Variants in RIOK3 observed in about 807,000 individuals in gnomAD.
RIOK3 encodes serine/threonine-protein kinase RIO3.
RIOK3 carries 40 observed loss-of-function variants against 63.5 expected under a neutral mutation model. The ratio of observed to expected loss-of-function variants is 0.63; its 90% CI spans 0.49 to 0.82. The LOEUF (loss-of-function observed/expected upper bound fraction) is 0.82. Ranked by LOEUF, RIOK3 falls within the 40% of genes least tolerant of loss-of-function variation. RIOK3 has a pLI of 0.00. For synonymous variants in RIOK3, 193 were observed against 205.0 expected (o/e 0.94, Z 0.50); for missense variants, 557 against 637.0 (o/e 0.87, Z 1.35).
chr18:23,456,673 G>A (rs985524425), intron 1 of RIOK3, among the ~76,000 whole-genome samples: 4 of 152,180 alleles, frequency 2.6e-5, no homozygotes, highest in South Asian at 2.1e-4. Context: ...AATTACAGGT[G>A]TGAACCACCA....
chr18:23,477,528 G>T (rs558326434), intron 11 of RIOK3, among the ~76,000 whole-genome samples: 13 of 151,420 alleles, frequency 8.6e-5, no homozygotes, highest in African/African-American at 1.5e-4. Context: ...CTTTGGGAGG[G>T]TGAGGTGGGT....
intron 7 of RIOK3, among the ~76,000 whole-genome samples, chr18:23,469,218 A>G (rs1414550752): frequency 4.6e-5 from 7 of 151,558 alleles, no homozygotes; most frequent in Admixed American, 2.0e-4. Context: ...ACACATGCTC[A>G]AGGGAAGGAG....
intron 1 of RIOK3, among the ~76,000 whole-genome samples, chr18:23,461,216 A>G (rs560992421): frequency 1.3e-5 from 2 of 152,374 alleles, no homozygotes; most frequent in African/African-American, 2.4e-5. Flanking sequence ...TAGAGGGCCT[A>G]TACTGGCTGA....
chr18:23,476,076 C>G (rs770797282), intron 9 of RIOK3, among the ~76,000 whole-genome samples: 1 of 151,732 alleles, frequency 6.6e-6, no homozygotes, highest in Non-Finnish European at 1.5e-5. Context: ...TGTGAGCCAC[C>G]ACACCCAGCC....
Position 23,453,333 on chromosome 18 carries a change from TC to T in RIOK3, c.-105del. 1.1e-6 allele frequency: 1 copy of T among 924,494 alleles called. No homozygotes were observed. Among genetic ancestry groups the T allele is most frequent in the South Asian group, 1.3e-5 (1 of 75,120 alleles). 57.3% of individuals were successfully genotyped at this position (924,494 alleles called of 1,614,324 possible). On this transcript the variant is annotated 5_prime_UTR_variant, in exon 1 of 13. Coordinates refer to ENST00000339486, the MANE Select transcript of RIOK3 (RefSeq NM_003831.5). ...CGTCGCCGCCATCTGTCACCTCCAC[TC>T]CGGCATCAGCAGCCAGTCGCCCGTG...
At chr18:23,461,098 C>G (rs1037894383) in intron 1 of RIOK3, among the ~76,000 whole-genome samples, 2 of 152,184 alleles carry the variant, frequency 1.3e-5, no homozygotes, top group African/African-American at 2.4e-5. Flanking sequence ...GTGCTCCACC[C>G]AAACAGCCTG....
In RIOK3 at chr18:23,464,594, T is replaced by C. The variant is rs2057393955; in HGVS notation, c.509T>C (p.Val170Ala). 9 of 1,603,210 alleles carry C rather than the reference T, an allele frequency of 5.6e-6. No homozygotes were observed. Among genetic ancestry groups the C allele is most frequent in the Admixed American group, 1.7e-5 (1 of 57,156 alleles). ...KDITTKHDEV[V>A]CGRKNTARME... ...ATCACCACCAAACATGATGAAGTAG[T>C]ATGTGGGAGAAAGAACACAGCAAGA... is the stretch of plus-strand genomic sequence containing the variant. The change falls in exon 5 of 13, where the codon GTA becomes GCA. Residue 170 changes from valine to alanine, a missense_variant. Val to Ala is a moderately conservative substitution (Grantham distance 64). Coordinates refer to ENST00000339486, the MANE Select transcript of RIOK3 (RefSeq NM_003831.5).
intron 7 of RIOK3, among the ~76,000 whole-genome samples, chr18:23,468,898 T>G (rs1406834735): frequency 6.6e-6 from 1 of 152,220 alleles, no homozygotes; most frequent in East Asian, 1.9e-4. Flanking sequence ...GTCTAGGTGT[T>G]GGCCAGGCTG....
Position 23,464,311 on chromosome 18 carries a change from CA to C in RIOK3, c.432del (p.Ala145GlnfsTer25). The C allele has an allele frequency of 6.2e-7, 1 of 1,609,040 alleles. No homozygotes were observed. The highest frequency in any genetic ancestry group is 8.5e-7 in the Non-Finnish European group (1 of 1,176,866). Reference sequence around the variant, plus strand: ...GATACTCGTGATGATCCCTACAGACCAGGTACCAAAGTTTTTACTTTCTGGG... The same window carrying C: ...GATACTCGTGATGATCCCTACAGACCGGTACCAAAGTTTTTACTTTCTGGG... ...WQDTRDDPYR[P>X]AKPVPTPKKG... On this transcript the variant is annotated frameshift_variant and splice_region_variant, in exon 4 of 13. Transcript: ENST00000339486. LOFTEE classifies it high-confidence loss of function.
chr18:23,469,754 G>C (rs1246745102), intron 7 of RIOK3, among the ~76,000 whole-genome samples: 1 of 152,060 alleles, frequency 6.6e-6, no homozygotes, highest in African/African-American at 2.4e-5. Flanking sequence ...CCAAAGTGCT[G>C]GGATTACAGG....
At chr18:23,454,353 C>T (rs1224533495) in intron 1 of RIOK3, among the ~76,000 whole-genome samples, 3 of 152,120 alleles carry the variant, frequency 2.0e-5, no homozygotes, top group Non-Finnish European at 4.4e-5. Flanking sequence ...TCAGGCTAGG[C>T]CTTAACAGGA....
At chr18:23,465,898 G>A (rs2057403579) in intron 5 of RIOK3, among the ~76,000 whole-genome samples, 2 of 152,214 alleles carry the variant, frequency 1.3e-5, no homozygotes, top group Admixed American at 1.3e-4. Context: ...TGGATGTGAT[G>A]AAATGTTTTC....
chr18:23,455,106 C>G (rs1034411033), intron 1 of RIOK3, among the ~76,000 whole-genome samples: 1 of 149,756 alleles, frequency 6.7e-6, no homozygotes, highest in Non-Finnish European at 1.5e-5. Context: ...GAGTCTCGCC[C>G]TATCGCCCAG....
intron 7 of RIOK3, among the ~76,000 whole-genome samples, chr18:23,471,999 A>G (rs1346596872): frequency 6.6e-6 from 1 of 152,060 alleles, no homozygotes; most frequent in Non-Finnish European, 1.5e-5. Context: ...TTTGGAGGCC[A>G]AGATGGGTGG....
rs79086891 is a variant in RIOK3, at chr18:23,468,195, A to G, written c.815+669A>G. On this transcript the variant is annotated intron_variant, in intron 7 of 12. Coordinates refer to ENST00000339486, the MANE Select transcript of RIOK3 (RefSeq NM_003831.5). ...ATTTATTTAATTATGATTAAGTTGT[A>G]CATTTTTTCCAAGTGCTTTATTGGC... Among the ~76,000 whole-genome samples, 402 of 150,524 alleles carry G rather than the reference A, an allele frequency of 2.7e-3. 3 individuals are homozygous for G. The highest frequency in any genetic ancestry group is 9.4e-3 in the African/African-American group (383 of 40,846).
At chr18:23,459,652 T>G (rs2057361642) in intron 1 of RIOK3, among the ~76,000 whole-genome samples, 1 of 152,150 alleles carries the variant, frequency 6.6e-6, no homozygotes, top group Non-Finnish European at 1.5e-5. Context: ...TGTGAAGGCA[T>G]GCAGCGGGGA....
chr18:23,465,353 A>G (rs1269196611), intron 5 of RIOK3, among the ~76,000 whole-genome samples: 2 of 151,748 alleles, frequency 1.3e-5, no homozygotes, highest in Non-Finnish European at 2.9e-5. Flanking sequence ...CCTGGGCAAC[A>G]AGAGTGAAAC....
chr18:23,464,538 TA>T lies in RIOK3; in HGVS notation c.458del (p.Lys153ArgfsTer17). The T allele has an allele frequency of 6.2e-7, 1 of 1,603,874 alleles. No homozygotes were observed. Among genetic ancestry groups the T allele is most frequent in the Admixed American group, 1.8e-5 (1 of 56,916 alleles). On this transcript the variant is annotated frameshift_variant, in exon 5 of 13. Transcript: ENST00000339486. LOFTEE classifies it high-confidence loss of function. ...YRPAKPVPTP[K>X]KGFIGKGKDI... ...CTTTAGCAAAACCGGTTCCCACTCC[TA>T]AAAAGGGCTTTATTGGAAAAGGAAA...
chr18:23,462,024 GAGA>G (rs2057374814), intron 1 of RIOK3, among the ~76,000 whole-genome samples: 1 of 149,856 alleles, frequency 6.7e-6, no homozygotes, highest in South Asian at 2.1e-4. Context: ...CGGGGAGGTG[GAGA>G]TTGCAGTGAG....
Sources: gnomAD v4.1 joint callset for allele counts (sites outside exome capture counted in the v4.1 genomes callset) on GRCh38, gnomAD v4.1.1 for gene constraint, MANE v1.5 for transcripts, NCBI Gene and HGNC (gene_info 2026-07-23, HGNC 2026-07-21) for gene names.